Variants in IGLON5 observed in about 807,000 individuals in gnomAD.
IGLON5 encodes Ig-like domain-containing protein ENSP00000270642.
A neutral mutation model predicts 38.2 loss-of-function variants in IGLON5; 16 were observed. The ratio of observed to expected loss-of-function variants is 0.42; its 90% CI spans 0.28 to 0.64. The LOEUF is 0.64. Among genes scored for constraint, IGLON5 ranks in the 30% least tolerant of loss-of-function variants. The pLI is 0.23. For missense variants in IGLON5, 366 were observed against 483.4 expected, an observed-to-expected ratio of 0.76 and a Z score of 2.28; for synonymous variants, 207 against 216.4, an observed-to-expected ratio of 0.96 and a Z score of 0.38.
At chr19:51,323,319 C>T (rs900337598) in intron 2 of IGLON5, among the ~76,000 whole-genome samples, 2 of 141,284 alleles carry the variant, frequency 1.4e-5, no homozygotes, top group African/African-American at 5.3e-5. Flanking sequence ...GGTCTCTGTC[C>T]CTCTCTCTGG....
Position 51,328,874 on chromosome 19 carries a change from GGAAGAAGAGAGA to G in IGLON5, c.*117_*128del. Reference sequence around the variant, plus strand: ...GGGCAGAAGAGCTCTCGGCCACCAAGGAAGAAGAGAGAGGAGAAGAGGAGGAGGCAGAGGAAG... The same window carrying G: ...GGGCAGAAGAGCTCTCGGCCACCAAGGGAGAAGAGGAGGAGGCAGAGGAAG... On this transcript the variant is annotated 3_prime_UTR_variant, in exon 8 of 8. Transcript: ENST00000270642. 1.6e-6 allele frequency: 1 copy of G among 630,518 alleles called. No individual in the cohort carries two copies. Among genetic ancestry groups the G allele is most frequent in the Middle Eastern group, 4.5e-4 (1 of 2,212 alleles). The allele number at this position is 630,518 out of a possible 1,614,324, so 39.1% of individuals were successfully genotyped here.
In IGLON5 at chr19:51,327,681, G is replaced by A. The variant is rs1465327245; in HGVS notation, c.768-51G>A. The A allele has an allele frequency of 3.2e-6, 5 of 1,538,484 alleles. 1 individual carries two copies. The highest frequency in any genetic ancestry group is 2.4e-5 in the South Asian group (2 of 83,958). On this transcript the variant is annotated intron_variant, in intron 6 of 7. Coordinates refer to ENST00000270642, the MANE Select transcript of IGLON5 (RefSeq NM_001101372.3). The surrounding 1 kb of genome is among the most constrained non-coding windows in gnomAD (Gnocchi z 7.1). Reference sequence around the variant, plus strand: ...AACGGAGGAGCCTGAGAGTCGGGGGGCTGGCCTGGCTGGGCGCTGCGGCCC... The same window carrying A: ...AACGGAGGAGCCTGAGAGTCGGGGGACTGGCCTGGCTGGGCGCTGCGGCCC...
Position 51,327,599 on chromosome 19 carries a change from C to G in IGLON5, c.768-133C>G. The G allele has an allele frequency of 7.6e-7, 1 of 1,324,342 alleles. No individual in the cohort carries two copies. 82.0% of individuals were successfully genotyped at this position (1,324,342 alleles called of 1,614,324 possible). ...GGAGTGACCCGAGGTACATGAGGTG[C>G]TAGAACCCGAGGCGATGGGTCACTG... On this transcript the variant is annotated intron_variant, in intron 6 of 7. Transcript: ENST00000270642. The surrounding 1 kb of genome is among the most constrained non-coding windows in gnomAD (Gnocchi z 7.1).
chr19:51,327,315 G>A lies in IGLON5; in HGVS notation c.767+115G>A. The A allele has an allele frequency of 1.4e-6, 2 of 1,401,268 alleles. No individual in the cohort carries two copies. The highest frequency in any genetic ancestry group is 1.9e-6 in the Non-Finnish European group (2 of 1,038,528). 86.8% of individuals were successfully genotyped at this position (1,401,268 alleles called of 1,614,324 possible). The stretch of plus-strand genomic sequence containing the variant: ...GGAAGGCAGCAGAGCTCTGGGTCCC[G>A]AACCTGGGGCGTCCAGCTTCTAGGT... On this transcript the variant is annotated intron_variant, in intron 6 of 7. Transcript: ENST00000270642. This position sits in a 1 kb window ranked among gnomAD's most constrained non-coding sequence, Gnocchi z 7.1.
intron 1 of IGLON5, among the ~76,000 whole-genome samples, chr19:51,314,768 A>T (rs911134716): frequency 1.3e-5 from 2 of 152,188 alleles, no homozygotes; most frequent in African/African-American, 4.8e-5. Context: ...TTTATTCATG[A>T]TCTTGTCCAA....
chr19:51,322,441 C>A (rs544878189), intron 2 of IGLON5, among the ~76,000 whole-genome samples: 3 of 147,408 alleles, frequency 2.0e-5, no homozygotes, highest in African/African-American at 8.0e-5. Context: ...GAGAAGGGGA[C>A]AGAGATCCAG....
At chr19:51,313,747 T>C (rs1303816873) in intron 1 of IGLON5, among the ~76,000 whole-genome samples, 2 of 151,208 alleles carry the variant, frequency 1.3e-5, no homozygotes, top group Admixed American at 6.6e-5. Context: ...AGACAGGGTC[T>C]GACTTTCTCA....
In IGLON5 at chr19:51,327,016, TG is replaced by T; in HGVS notation, c.647-59del. ...TTACGGGCCTGAGGGAGGCGGGGGC[TG>T]GGGGCGGGACCCCTTCGTCCCCACG... On this transcript the variant is annotated intron_variant, in intron 5 of 7. Coordinates refer to ENST00000270642, the MANE Select transcript of IGLON5 (RefSeq NM_001101372.3). The surrounding 1 kb of genome is among the most constrained non-coding windows in gnomAD (Gnocchi z 7.1). 1 of 1,592,934 alleles carries T rather than the reference TG, an allele frequency of 6.3e-7. No individual in the cohort carries two copies. Among genetic ancestry groups the T allele is most frequent in the Non-Finnish European group, 8.5e-7 (1 of 1,171,028 alleles).
intron 1 of IGLON5, among the ~76,000 whole-genome samples, chr19:51,316,774 G>C (rs564754002): frequency 6.6e-6 from 1 of 152,068 alleles, no homozygotes; most frequent in Non-Finnish European, 1.5e-5. Context: ...CATTATAGGC[G>C]TGAACCACCA....
At chr19:51,316,525 G>T (rs1294083373) in intron 1 of IGLON5, among the ~76,000 whole-genome samples, 1 of 137,178 alleles carries the variant, frequency 7.3e-6, no homozygotes. Flanking sequence ...ACGGAGTCTC[G>T]CTGTGTCACC....
chr19:51,320,754 G>T, intron 1 of IGLON5, among the ~76,000 whole-genome samples: 1 of 152,204 alleles, frequency 6.6e-6, no homozygotes, highest in African/African-American at 2.4e-5. Flanking sequence ...CTGTGCGCAC[G>T]TGTTCATATC....
chr19:51,327,222 C>G lies in IGLON5; in HGVS notation c.767+22C>G. 6.3e-7 allele frequency: 1 copy of G among 1,598,262 alleles called. No homozygotes were observed. Among genetic ancestry groups the G allele is most frequent in the Non-Finnish European group, 8.5e-7 (1 of 1,170,702 alleles). On this transcript the variant is annotated intron_variant, in intron 6 of 7. Transcript: ENST00000270642. The surrounding 1 kb of genome is among the most constrained non-coding windows in gnomAD (Gnocchi z 7.1). ...GACTGTGAGGACAGCACTGAGGGGG[C>G]CGTGGGAGCGGGAAGGGGAGGTCTT...
Position 51,330,145 on chromosome 19 carries a change from T to C in IGLON5, c.*1386T>C, listed in dbSNP as rs1449560264. The C allele has an allele frequency of 6.6e-6, 1 of 151,934 alleles. No homozygotes were observed. The highest frequency in any genetic ancestry group is 1.9e-4 in the East Asian group (1 of 5,142). The allele number at this position is 151,934 out of a possible 1,614,324, so 9.4% of individuals were successfully genotyped here. A position where few individuals can be genotyped will look rare whatever the true frequency, so the allele number is the denominator to read the frequency against. On this transcript the variant is annotated 3_prime_UTR_variant, in exon 8 of 8. Transcript: ENST00000270642. ...ACCCCAAACCACACCACCCAGAGTCTGGTGGAGAAAAGGAGAGGGCAAGGC... is the reference window on the plus strand; with the variant it reads ...ACCCCAAACCACACCACCCAGAGTCCGGTGGAGAAAAGGAGAGGGCAAGGC...
chr19:51,316,191 A>G (rs1984918421), intron 1 of IGLON5, among the ~76,000 whole-genome samples: 1 of 151,280 alleles, frequency 6.6e-6, no homozygotes. Flanking sequence ...ACAAAAAAAA[A>G]AAAAAAAGCC....
chr19:51,318,659 G>A (rs1984981454), intron 1 of IGLON5, among the ~76,000 whole-genome samples: 1 of 152,126 alleles, frequency 6.6e-6, no homozygotes, highest in Admixed American at 6.5e-5. Flanking sequence ...TGCTTTTGCT[G>A]GGGAGGTTGA....
At chr19:51,319,811 G>A (rs961310690) in intron 1 of IGLON5, among the ~76,000 whole-genome samples, 3 of 152,050 alleles carry the variant, frequency 2.0e-5, no homozygotes, top group African/African-American at 4.8e-5. Context: ...CCCTCTGAGC[G>A]GGTCCACAGC....
Position 51,325,554 on chromosome 19 carries a change from G to T in IGLON5, c.511+89G>T. On this transcript the variant is annotated intron_variant, in intron 4 of 7. Transcript: ENST00000270642. The surrounding 1 kb of genome is among the most constrained non-coding windows in gnomAD (Gnocchi z 5.5). The stretch of plus-strand genomic sequence containing the variant: ...CCCATATCCCTAGCTAGTTTCCCCA[G>T]CCCCCTTCTCCCTGGCCCCTTGGCT... The T allele has an allele frequency of 7.3e-7, 1 of 1,374,610 alleles. No individual in the cohort carries two copies. Among genetic ancestry groups the T allele is most frequent in the Non-Finnish European group, 9.7e-7 (1 of 1,031,080 alleles). 85.2% of individuals were successfully genotyped at this position (1,374,610 alleles called of 1,614,324 possible).
rs1036332874 is a variant in IGLON5, at chr19:51,327,378, C to T, written c.767+178C>T. ...CCAGCCCCGGAGACAAGCTTGGGTC[C>T]CCGCTTGATGAATGCTGGAACCCCG... On this transcript the variant is annotated intron_variant, in intron 6 of 7. Transcript: ENST00000270642. This position sits in a 1 kb window ranked among gnomAD's most constrained non-coding sequence, Gnocchi z 7.1. Among the ~76,000 whole-genome samples, 1 of 152,150 alleles carries T rather than the reference C, an allele frequency of 6.6e-6. No homozygotes were observed. The highest frequency in any genetic ancestry group is 2.4e-5 in the African/African-American group (1 of 41,434).
In IGLON5 at chr19:51,329,014, C is replaced by G; in HGVS notation, c.*255C>G. ...TTCACGTTTCCGATTGTGACCCACT[C>G]CCGCCACCCCATACCCCTCTCTCTT... is the stretch of plus-strand genomic sequence containing the variant. On this transcript the variant is annotated 3_prime_UTR_variant, in exon 8 of 8. Transcript: ENST00000270642. This position sits in a 1 kb window ranked among gnomAD's most constrained non-coding sequence, Gnocchi z 4.3. 2.4e-6 allele frequency: 1 copy of G among 412,350 alleles called. No individual in the cohort carries two copies. Among genetic ancestry groups the G allele is most frequent in the Non-Finnish European group, 4.4e-6 (1 of 228,060 alleles). The allele number at this position is 412,350 out of a possible 1,614,324, so 25.5% of individuals were successfully genotyped here. A position where few individuals can be genotyped will look rare whatever the true frequency, so the allele number is the denominator to read the frequency against.
Sources: gnomAD v4.1 joint callset for allele counts (sites outside exome capture counted in the v4.1 genomes callset) on GRCh38, gnomAD v4.1.1 for gene constraint, Gnocchi (gnomAD v3.1) non-coding constraint, MANE v1.5 for transcripts, NCBI Gene and HGNC (gene_info 2026-07-23, HGNC 2026-07-21) for gene names.